The following CTU2 variants were observed in gnomAD, a reference collection of about 807,000 sequenced individuals.
The protein encoded by CTU2 is cytoplasmic tRNA 2-thiolation protein 2.
A neutral mutation model predicts 64.1 loss-of-function variants in CTU2; 80 were observed. The ratio of observed to expected loss-of-function variants is 1.25; its 90% confidence interval spans 1.04 to 1.50. The LOEUF (loss-of-function observed/expected upper bound fraction) is 1.50. CTU2 is among the 40% of genes most tolerant of loss of function. CTU2 has a pLI of 0.00. For synonymous variants in CTU2, 482 were observed against 285.3 expected, an observed-to-expected ratio of 1.69 and a Z score of -6.95; for missense variants, 1,110 against 690.2, an observed-to-expected ratio of 1.61 and a Z score of -6.81.
Position 88,707,185 on chromosome 16 carries a change from ATAC to A in CTU2, c.119_121del (p.Ile40del). On this transcript the variant is annotated inframe_deletion, in exon 2 of 15. Transcript: ENST00000453996. ...CAAGGAAGCGCAGCCCGTTGTGGTG[ATAC>A]GAGCCGGAGATGCCTTCTGCAGGTG... is the stretch of plus-strand genomic sequence containing the variant. The A allele has an allele frequency of 6.2e-7, 1 of 1,613,924 alleles. No homozygotes were observed. Among genetic ancestry groups the A allele is most frequent in the Non-Finnish European group, 8.5e-7 (1 of 1,179,976 alleles).
Position 88,712,593 on chromosome 16 carries a change from C to T in CTU2, c.454-29C>T, listed in dbSNP as rs1035797839. On this transcript the variant is annotated intron_variant, in intron 6 of 14. Transcript: ENST00000453996. ...GGGGGGCACCTGCCCGTGTCCCGGGCCTCACTGGCGTCTCCCTCATCCCGG... is the reference window on the plus strand; with the variant it reads ...GGGGGGCACCTGCCCGTGTCCCGGGTCTCACTGGCGTCTCCCTCATCCCGG... 8.1e-6 allele frequency: 13 copies of T among 1,600,104 alleles called. No individual in the cohort carries two copies. The Admixed American group carries it at 8.5e-5, about 10-fold the overall frequency.
At chr16:88,713,908 C>A in intron 9 of CTU2, 130 bp downstream of exon 9, 1 of 1,305,826 alleles carries the variant, frequency 7.7e-7, no homozygotes, top group Non-Finnish European at 1.1e-6. Flanking sequence ...CCCAGCAGTG[C>A]TGCATCCTCT....
chr16:88,714,461 G>C lies in CTU2; in HGVS notation c.1176G>C (p.Met392Ile), dbSNP rs781592397. Residue 392 changes from methionine to isoleucine, a missense_variant, in exon 11 of 15, where the codon ATG becomes ATC. Physicochemically the swap from Met to Ile is conservative, Grantham distance 10. Coordinates refer to ENST00000453996, the MANE Select transcript of CTU2 (RefSeq NM_001012759.3). Reference sequence around the variant, plus strand: ...CCGGCCCCCGCTGCCTCCTCTGCATGTGTGCCCTGGACGTCGACGCCGCTG... The same window carrying C: ...CCGGCCCCCGCTGCCTCCTCTGCATCTGTGCCCTGGACGTCGACGCCGCTG... The part of the protein sequence containing the change: ...GDSGPRCLLC[M>I]CALDVDAADS... The C allele has an allele frequency of 1.5e-5, 24 of 1,612,624 alleles. No individual in the cohort carries two copies. The South Asian group carries it at 1.5e-4, about 10-fold the overall frequency.
Position 88,712,741 on chromosome 16 carries a change from G to A in CTU2, c.573G>A (p.Gly191=), listed in dbSNP as rs774961221. 6.2e-7 allele frequency: 1 copy of A among 1,609,128 alleles called. No homozygotes were observed. Among genetic ancestry groups the A allele is most frequent in the Non-Finnish European group, 8.5e-7 (1 of 1,178,722 alleles). ...FLQQQHVLGA[G]GGPGPTQGEE... Reference sequence around the variant, plus strand: ...AGCAGCAGCATGTGCTGGGGGCCGGGGGTGGTCCTGGCCCGACTCAAGGGG... The same window carrying A: ...AGCAGCAGCATGTGCTGGGGGCCGGAGGTGGTCCTGGCCCGACTCAAGGGG... The change falls in exon 7 of 15, where the codon GGG becomes GGA. Residue 191 remains glycine (G), a synonymous_variant. Coordinates refer to ENST00000453996, the MANE Select transcript of CTU2 (RefSeq NM_001012759.3).
At chr16:88,711,779 T>C in intron 5 of CTU2, 84 bp downstream of exon 5, 1 of 1,298,738 alleles carries the variant, frequency 7.7e-7, no homozygotes, top group Non-Finnish European at 1.1e-6. Flanking sequence ...ACCCTCCCTC[T>C]GGTGCCGGTC....
At chr16:88,708,114 A>T (rs141726329) in intron 2 of CTU2, among the ~76,000 whole-genome samples, 67 of 152,268 alleles carry the variant, frequency 4.4e-4, no homozygotes, top group African/African-American at 1.6e-3. Context: ...ACACCTGGCC[A>T]AGATAGGTAC....
chr16:88,710,412 G>C, intron 4 of CTU2, 130 bp downstream of exon 4: 1 of 893,640 alleles, frequency 1.1e-6, no homozygotes, highest in Non-Finnish European at 1.7e-6. Flanking sequence ...TGGACACTTG[G>C]GGGGTTCTCA....
intron 4 of CTU2, chr16:88,710,493 G>A (rs1040873755): frequency 5.2e-6 from 3 of 580,324 alleles, no homozygotes; most frequent in Admixed American, 6.2e-5. Context: ...ACTCTCAGAT[G>A]TGTTTACAGC....
In CTU2 at chr16:88,713,672, A is replaced by C. The variant is rs974483752; in HGVS notation, c.899A>C (p.Asp300Ala). Residue 300 changes from aspartate to alanine, a missense_variant, in exon 9 of 15, where the codon GAC becomes GCC. Transcript: ENST00000453996. ...DTGFSDERHG[D>A]VVVVRPMRDH... ...GGCTTCTCGGATGAGCGGCACGGGGACGTGGTGGTGGTGCGGCCCATGCGG... is the reference window on the plus strand; with the variant it reads ...GGCTTCTCGGATGAGCGGCACGGGGCCGTGGTGGTGGTGCGGCCCATGCGG... 1.2e-6 allele frequency: 2 copies of C among 1,612,316 alleles called. No individual in the cohort carries two copies. Among genetic ancestry groups the C allele is most frequent in the Non-Finnish European group, 1.7e-6 (2 of 1,179,802 alleles).
rs199634578 is a variant in CTU2, at chr16:88,710,308, C to T, written c.282+26C>T. ...GTGCGTGTTCACCACCCCGTGGGCC[C>T]GGGCTGCTGGGCTGAGCTTCAGGCT... is the stretch of plus-strand genomic sequence containing the variant. On this transcript the variant is annotated intron_variant, in intron 4 of 14. Transcript: ENST00000453996. The T allele has an allele frequency of 7.6e-5, 122 of 1,613,354 alleles. No individual in the cohort carries two copies. The East Asian group carries it at 7.6e-4, about 10-fold the overall frequency.
chr16:88,711,283 A>G (rs1345959723), intron 4 of CTU2, among the ~76,000 whole-genome samples: 3 of 151,884 alleles, frequency 2.0e-5, no homozygotes, highest in South Asian at 2.1e-4. Flanking sequence ...TGTGAGAGCA[A>G]GTGCTTCCTT....
chr16:88,715,326 G>A lies in CTU2; in HGVS notation c.*75G>A, dbSNP rs914750740. ...CACACTGGAGCCGGAAGGCAAGGAC[G>A]GGGGACTGGCCTCTGATTGTCCATT... is the stretch of plus-strand genomic sequence containing the variant. On this transcript the variant is annotated 3_prime_UTR_variant, in exon 15 of 15. Coordinates refer to ENST00000453996, the MANE Select transcript of CTU2 (RefSeq NM_001012759.3). 26 of 1,455,752 alleles carry A rather than the reference G, an allele frequency of 1.8e-5. No homozygotes were observed. Among genetic ancestry groups the A allele is most frequent in the African/African-American group, 5.6e-5 (4 of 71,418 alleles). 90.2% of individuals were successfully genotyped at this position (1,455,752 alleles called of 1,614,324 possible). A position where few individuals can be genotyped will look rare whatever the true frequency, so the allele number is the denominator to read the frequency against.
In CTU2 at chr16:88,706,598, G is replaced by C. The variant is rs536176202; in HGVS notation, c.68G>C (p.Ser23Thr). The change falls in exon 1 of 15, where the codon AGC (serine) becomes ACC (threonine). Residue 23 changes from serine (S) to threonine (T), a missense_variant and splice_region_variant. Physicochemically the swap from Ser to Thr is moderately conservative, Grantham distance 58. Coordinates refer to ENST00000453996, the MANE Select transcript of CTU2 (RefSeq NM_001012759.3). ...GAGCCGCCCCCGGCGCCGCGGCCCA[G>C]GTAAGAGCTGGCGGCCGGACCCGCC... ...PEEPPPAPRP[S>T]REQKCVKCKE... 75 of 1,432,692 alleles carry C rather than the reference G, an allele frequency of 5.2e-5. No individual in the cohort carries two copies. The Admixed American group carries it at 5.5e-4, about 11-fold the overall frequency. 88.7% of individuals were successfully genotyped at this position (1,432,692 alleles called of 1,614,324 possible).
chr16:88,713,543 G>GT (rs1911550997), intron 8 of CTU2, 96 bp downstream of exon 8: 10 of 1,141,570 alleles, frequency 8.8e-6, no homozygotes, highest in East Asian at 5.9e-5. Flanking sequence ...CAGTCCTGCG[G>GT]CCTCGGATGG....
At position 88,710,204 on chromosome 16, in the gene CTU2, G is replaced by A; in HGVS notation, c.223-19G>A. The A allele has an allele frequency of 1.2e-6, 2 of 1,613,966 alleles. No homozygotes were observed. The highest frequency in any genetic ancestry group is 1.7e-6 in the Non-Finnish European group (2 of 1,179,914). On this transcript the variant is annotated intron_variant, in intron 3 of 14. Transcript: ENST00000453996. ...GTGTTGGAGGTGCGGTGCCCTGAGT[G>A]ATGTTTTTTCTCCCCCAGGTGCTCT...
intron 2 of CTU2, among the ~76,000 whole-genome samples, chr16:88,707,750 C>T (rs541047711): frequency 3.9e-4 from 60 of 152,190 alleles, no homozygotes; most frequent in Non-Finnish European, 7.9e-4. Flanking sequence ...AGGACCAGGT[C>T]TCTCTCCTTT....
At chr16:88,710,369 G>A in intron 4 of CTU2, 87 bp downstream of exon 4, 2 of 1,445,538 alleles carry the variant, frequency 1.4e-6, no homozygotes, top group Non-Finnish European at 1.9e-6. Flanking sequence ...AGGGGCTCTT[G>A]GTTGGGGCTA....
chr16:88,712,303 G>A lies in CTU2; in HGVS notation c.373G>A (p.Glu125Lys). ...EGAACGQSLE[E>K]RSKTLAEVKP... ...AGCAGCCTGTGGCCAGAGCCTAGAG[G>A]AGAGATCAAAGACCCTGGCCGAAGT... Residue 125 changes from glutamate to lysine, a missense_variant, in exon 6 of 15, where the codon GAG (glutamate) becomes AAG (lysine). By Grantham distance (56) the Glu-to-Lys change is moderately conservative. Transcript: ENST00000453996. 1 of 1,608,290 alleles carries A rather than the reference G, an allele frequency of 6.2e-7. No homozygotes were observed.
At position 88,710,362 on chromosome 16, in the gene CTU2, G is replaced by T. The variant is rs1390520389; in HGVS notation, c.282+80G>T. On this transcript the variant is annotated intron_variant, in intron 4 of 14. Coordinates refer to ENST00000453996, the MANE Select transcript of CTU2 (RefSeq NM_001012759.3). ...GGCCTCCCTTCTCAGCCTGCTGAGG[G>T]GCTCTTGGTTGGGGCTAGAGAGCAG... 3.4e-6 allele frequency: 5 copies of T among 1,489,842 alleles called. 1 individual carries two copies. In the South Asian group the frequency reaches 3.4e-5, roughly 10 times the overall value. The allele number at this position is 1,489,842 out of a possible 1,614,324, so 92.3% of individuals were successfully genotyped here. A position where few individuals can be genotyped will look rare whatever the true frequency, so the allele number is the denominator to read the frequency against.
Sources: gnomAD v4.1 joint callset for allele counts (sites outside exome capture counted in the v4.1 genomes callset) on GRCh38, gnomAD v4.1.1 for gene constraint, MANE v1.5 for transcripts, NCBI Gene and HGNC (gene_info 2026-07-23, HGNC 2026-07-21) for gene names.